Variants in TCF20 observed in about 807,000 individuals in gnomAD.
TCF20 encodes the protein SPRE-binding protein.
In TCF20, 3 loss-of-function variants were observed where a neutral mutation model predicts 148.6. That is an observed-to-expected ratio of 0.02 (90% CI 0.01 to 0.05). The LOEUF (loss-of-function observed/expected upper bound fraction) is 0.05, where lower values mean the gene tolerates loss of function less well. Among genes scored for constraint, TCF20 ranks in the 10% least tolerant of loss-of-function variants. The pLI, the probability that TCF20 is intolerant of heterozygous loss-of-function variation, is 1.00. For missense variants in TCF20, 2,350 were observed against 2,429.3 expected, an observed-to-expected ratio of 0.97 and a Z score of 0.69; for synonymous variants, 1,049 against 909.5, an observed-to-expected ratio of 1.15 and a Z score of -2.76.
At chr22:42,188,320 A>AAAAAAAAAAAAC (rs1937153579) in intron 2 of TCF20, among the ~76,000 whole-genome samples, 1 of 148,706 alleles carries the variant, frequency 6.7e-6, no homozygotes, top group Non-Finnish European at 1.5e-5. Flanking sequence ...AAAAAAAAAA[A>AAAAAAAAAAAAC]TCCAGATTCT....
At chr22:42,328,279 C>A (rs1927909673) in intron 1 of TCF20, among the ~76,000 whole-genome samples, 1 of 152,184 alleles carries the variant, frequency 6.6e-6, no homozygotes, top group African/African-American at 2.4e-5. Context: ...CAGCTCTCTG[C>A]AACATATTTT....
chr22:42,293,468 G>T (rs1241435471), intron 1 of TCF20, among the ~76,000 whole-genome samples: 1 of 152,260 alleles, frequency 6.6e-6, no homozygotes, highest in Non-Finnish European at 1.5e-5. Flanking sequence ...TACCTGGGGA[G>T]GGTGGTTCTC....
intron 2 of TCF20, among the ~76,000 whole-genome samples, chr22:42,193,192 G>C (rs1937424689): frequency 6.6e-6 from 1 of 151,410 alleles, no homozygotes; most frequent in African/African-American, 2.4e-5. Context: ...GAAACTCCAA[G>C]AGTCTCCATG....
Position 42,214,152 on chromosome 22 carries a change from G to A in TCF20, c.1154C>T (p.Thr385Ile). Residue 385 changes from threonine (T) to isoleucine (I), a missense_variant, in exon 2 of 6, where the codon ACC becomes ATC. Transcript: ENST00000677622. ...SVVQSPSCSS[T>I]PSPLMQTGEN... ...CCCAGTCTGCATGAGAGGAGATGGGGTAGAACTACAGCTTGGAGACTGAAC... is the reference window on the plus strand; with the variant it reads ...CCCAGTCTGCATGAGAGGAGATGGGATAGAACTACAGCTTGGAGACTGAAC... 1 of 1,614,218 alleles carries A rather than the reference G, an allele frequency of 6.2e-7. No individual in the cohort carries two copies. The highest frequency in any genetic ancestry group is 8.5e-7 in the Non-Finnish European group (1 of 1,180,048).
intron 1 of TCF20, among the ~76,000 whole-genome samples, chr22:42,320,389 C>A (rs2147049167): frequency 6.6e-6 from 1 of 152,314 alleles, no homozygotes. Flanking sequence ...CCCTCATGGC[C>A]TTGTTGTGTG....
chr22:42,275,994 C>G (rs992888762), intron 1 of TCF20, among the ~76,000 whole-genome samples: 2 of 152,156 alleles, frequency 1.3e-5, no homozygotes, highest in Admixed American at 1.3e-4. Flanking sequence ...ATCTGACAGG[C>G]TACAGGGCCC....
At chr22:42,236,888 T>C (rs1923937893) in intron 1 of TCF20, among the ~76,000 whole-genome samples, 1 of 152,236 alleles carries the variant, frequency 6.6e-6, no homozygotes, top group Admixed American at 6.5e-5. Context: ...GTTCATACCT[T>C]AATTTAAAAA....
chr22:42,301,203 G>T (rs865848996), intron 1 of TCF20, among the ~76,000 whole-genome samples: 3 of 152,094 alleles, frequency 2.0e-5, no homozygotes, highest in Middle Eastern at 6.8e-3. Context: ...AGCCGTTGGA[G>T]GTGTGTAAGC....
chr22:42,209,983 TCTGCTGCTG>T lies in TCF20; in HGVS notation c.5314_5322del (p.Gln1772_Gln1774del), dbSNP rs745763431. On this transcript the variant is annotated inframe_deletion, in exon 2 of 6. Coordinates refer to ENST00000677622, the MANE Select transcript of TCF20 (RefSeq NM_001378418.1). Reference sequence around the variant, plus strand: ...TGTGCGGCCAGGCTTCTCTGCTCCTTCTGCTGCTGCTGCTGCTCTTCCTCCTCCTCAGTG... The same window carrying T: ...TGTGCGGCCAGGCTTCTCTGCTCCTTCTGCTGCTCTTCCTCCTCCTCAGTG... 3 of 1,613,418 alleles carry T rather than the reference TCTGCTGCTG, an allele frequency of 1.9e-6. No individual in the cohort carries two copies. The highest frequency in any genetic ancestry group is 2.5e-6 in the Non-Finnish European group (3 of 1,179,994).
In TCF20 at chr22:42,214,903, G is replaced by C. The variant is rs940341134; in HGVS notation, c.403C>G (p.His135Asp). 10 of 1,614,160 alleles carry C rather than the reference G, an allele frequency of 6.2e-6. No individual in the cohort carries two copies. Among genetic ancestry groups the C allele is most frequent in the Non-Finnish European group, 8.5e-6 (10 of 1,180,034 alleles). The change falls in exon 2 of 6, where the codon CAT becomes GAT. Residue 135 changes from histidine (H) to aspartate (D), a missense_variant. By Grantham distance (81) the His-to-Asp change is moderately conservative. Transcript: ENST00000677622. ...SFGNQYGSEGHVGQFQAQHSG... is the reference protein window; with the variant it reads ...SFGNQYGSEGDVGQFQAQHSG... ...TGCTGTGCTTGAAACTGGCCCACAT[G>C]ACCCTCACTCCCATACTGATTGCCA... is the stretch of plus-strand genomic sequence containing the variant.
intron 1 of TCF20, among the ~76,000 whole-genome samples, chr22:42,315,667 G>T (rs982556519): frequency 6.6e-6 from 1 of 152,272 alleles, no homozygotes; most frequent in African/African-American, 2.4e-5. Context: ...GGGCCAGAGA[G>T]GGGGGCACAT....
Position 42,321,488 on chromosome 22 carries a change from G to A in TCF20, c.-37+21991C>T. 1.3e-5 allele frequency among the ~76,000 whole-genome samples: 2 copies of A among 149,326 alleles called. 1 individual carries two copies. Among genetic ancestry groups the A allele is most frequent in the Non-Finnish European group, 3.0e-5 (2 of 66,090 alleles). On this transcript the variant is annotated intron_variant, in intron 1 of 1. Coordinates refer to the TCF20 transcript ENST00000515426. ...CTTCTGCAAAGGCATGGCCCATGGG[G>A]AAGCTTTCCAGGGCTCTTGTCCTCT...
At position 42,213,330 on chromosome 22, in the gene TCF20, C is replaced by T. The variant is rs765529917; in HGVS notation, c.1976G>A (p.Gly659Glu). Residue 659 changes from glycine to glutamate, a missense_variant, in exon 2 of 6, where the codon GGA becomes GAA. Transcript: ENST00000677622. Reference sequence around the variant, plus strand: ...CTTGTTTCCTTTGCTCCCTCCTCCTCCTGGAGGCTCTGGCTGGGGAAGTGA... The same window carrying T: ...CTTGTTTCCTTTGCTCCCTCCTCCTTCTGGAGGCTCTGGCTGGGGAAGTGA... ...HASLPQPEPPGGGGSKGNKNG... is the reference protein window; with the variant it reads ...HASLPQPEPPEGGGSKGNKNG... 8 of 1,614,082 alleles carry T rather than the reference C, an allele frequency of 5.0e-6. No homozygotes were observed. Among genetic ancestry groups the T allele is most frequent in the Non-Finnish European group, 5.9e-6 (7 of 1,180,040 alleles).
At chr22:42,316,047 G>T (rs1927623655) in intron 1 of TCF20, among the ~76,000 whole-genome samples, 1 of 148,232 alleles carries the variant, frequency 6.7e-6, no homozygotes, top group Non-Finnish European at 1.5e-5. Flanking sequence ...GGCGGAGGTT[G>T]CAGTGAGCTG....
intron 1 of TCF20, among the ~76,000 whole-genome samples, chr22:42,337,138 C>G (rs1354705998): frequency 2.0e-5 from 3 of 152,168 alleles, no homozygotes; most frequent in African/African-American, 7.2e-5. Context: ...GCTCCTGGGC[C>G]CTCCAGATGC....
At chr22:42,327,242 G>C (rs1465735303) in intron 1 of TCF20, among the ~76,000 whole-genome samples, 1 of 152,214 alleles carries the variant, frequency 6.6e-6, no homozygotes, top group Admixed American at 6.5e-5. Flanking sequence ...AGCTAAGAAT[G>C]GTGCTAGATG....
At chr22:42,270,227 T>A (rs1224600491) in intron 1 of TCF20, among the ~76,000 whole-genome samples, 112 bp downstream of exon 1, 1 of 151,238 alleles carries the variant, frequency 6.6e-6, no homozygotes, top group Non-Finnish European at 1.5e-5. Flanking sequence ...CACTCCCAGG[T>A]TGGGTCCGGC....
At chr22:42,171,312 A>T (rs1936120022) in intron 3 of TCF20, among the ~76,000 whole-genome samples, 1 of 152,196 alleles carries the variant, frequency 6.6e-6, no homozygotes, top group African/African-American at 2.4e-5. Context: ...CAGCCACGGT[A>T]CTTATCCTTG....
rs781485248 is a variant in TCF20 at position 42,210,085 on chromosome 22, T to C, written c.5221A>G (p.Arg1741Gly). ...ATLPKNPPPK[R>G]ATEMQSKVKV... is the part of the protein sequence containing the mutation. Reference sequence around the variant, plus strand: ...ACTTTGCTCTGCATTTCTGTGGCCCTCTTAGGAGGTGGATTCTTCGGGAGA... The same window carrying C: ...ACTTTGCTCTGCATTTCTGTGGCCCCCTTAGGAGGTGGATTCTTCGGGAGA... The change falls in exon 2 of 6, where the codon AGG (arginine) becomes GGG (glycine). Residue 1741 changes from arginine to glycine, a missense_variant. Arg to Gly is a moderately radical substitution (Grantham distance 125, BLOSUM62 -2). Around this residue, in one of 7 missense-constraint regions of TCF20, gnomAD observed 374 missense variants for 398.3 expected, o/e 0.94. Transcript: ENST00000677622. This position sits in a 1 kb window ranked among gnomAD's most constrained non-coding sequence, Gnocchi z 4.7. 5 of 1,613,938 alleles carry C rather than the reference T, an allele frequency of 3.1e-6. No homozygotes were observed. The Admixed American group carries it at 8.3e-5, about 27-fold the overall frequency.
Sources: allele counts gnomAD v4.1 joint callset (sites outside exome capture counted in the v4.1 genomes callset), GRCh38; gene constraint gnomAD v4.1.1; regional missense constraint gnomAD v4.1.1; non-coding constraint Gnocchi (gnomAD v3.1); transcripts MANE v1.5; gene names NCBI Gene and HGNC (gene_info 2026-07-23, HGNC 2026-07-21).